Variants in PDZRN3 observed in about 807,000 individuals in gnomAD.
PDZRN3 encodes E3 ubiquitin-protein ligase PDZRN3.
In PDZRN3, 38 loss-of-function variants were observed where a neutral mutation model predicts 85.7. The ratio of observed to expected loss-of-function variants is 0.44; its 90% CI spans 0.34 to 0.58. The LOEUF (loss-of-function observed/expected upper bound fraction) is 0.58, where lower values mean the gene tolerates loss of function less well. PDZRN3 is among the 20% of genes least tolerant of loss of function. The pLI is 0.01. For missense variants in PDZRN3, 1,629 were observed against 1,506.4 expected (o/e 1.08, Z -1.35); for synonymous variants, 759 against 638.0 (o/e 1.19, Z -2.86).
chr3:73,575,865 A>G (rs1702115778), intron 3 of PDZRN3, among the ~76,000 whole-genome samples: 1 of 152,130 alleles, frequency 6.6e-6, no homozygotes, highest in African/African-American at 2.4e-5. Flanking sequence ...ATTTTTGCAT[A>G]TTACCTAAGC....
In PDZRN3 at chr3:73,624,655, G is replaced by T; in HGVS notation, c.171C>A (p.Arg57=). 1 of 1,530,236 alleles carries T rather than the reference G, an allele frequency of 6.5e-7. No individual in the cohort carries two copies. The highest frequency in any genetic ancestry group is 8.7e-7 in the Non-Finnish European group (1 of 1,143,168). The allele number at this position is 1,530,236 out of a possible 1,614,324, so 94.8% of individuals were successfully genotyped here. Residue 57 remains arginine (R), a synonymous_variant, in exon 1 of 10, where the codon CGC becomes CGA. Transcript: ENST00000263666. ...TGAGCTCTTTGGCCGACAGGCGACCGCGGCAGCGCGCCGGGCAGCTGCCCT... is the reference window on the plus strand; with the variant it reads ...TGAGCTCTTTGGCCGACAGGCGACCTCGGCAGCGCGCCGGGCAGCTGCCCT... ...VQEGSCPARC[R]GRLSAKELNH... is the part of the protein sequence containing the mutation.
chr3:73,432,176 G>A (rs917115165), intron 3 of PDZRN3, among the ~76,000 whole-genome samples: 2 of 152,138 alleles, frequency 1.3e-5, no homozygotes, highest in Admixed American at 1.3e-4. Flanking sequence ...TCCTGCCTGC[G>A]TGCTGGACTC....
At chr3:73,477,614 C>A (rs1294302905) in intron 3 of PDZRN3, among the ~76,000 whole-genome samples, 1 of 152,102 alleles carries the variant, frequency 6.6e-6, no homozygotes, top group Non-Finnish European at 1.5e-5. Flanking sequence ...ACCCATAAAT[C>A]AAGATTTTTA....
chr3:73,500,190 A>G lies in PDZRN3; in HGVS notation c.919-95795T>C, dbSNP rs192138551. 6.8e-3 allele frequency among the ~76,000 whole-genome samples: 1,039 copies of G among 152,188 alleles called. 12 individuals are homozygous for G. The highest frequency in any genetic ancestry group is 7.7e-3 in the Non-Finnish European group (524 of 68,018). Reference sequence around the variant, plus strand: ...CCGCCTCCCAAGTAGCTGGGACTACAGGCATATGCCACCACAGCTGGCTAA... The same window carrying G: ...CCGCCTCCCAAGTAGCTGGGACTACGGGCATATGCCACCACAGCTGGCTAA... On this transcript the variant is annotated intron_variant, in intron 3 of 9. Coordinates refer to ENST00000263666, the MANE Select transcript of PDZRN3 (RefSeq NM_015009.3).
intron 1 of PDZRN3, among the ~76,000 whole-genome samples, chr3:73,614,973 T>C (rs1436275569): frequency 3.9e-5 from 6 of 152,088 alleles, no homozygotes; most frequent in Non-Finnish European, 7.3e-5. Context: ...AGGACGGTGC[T>C]TGAAATTAAG....
At chr3:73,515,178 T>C (rs1704235023) in intron 3 of PDZRN3, among the ~76,000 whole-genome samples, 1 of 143,588 alleles carries the variant, frequency 7.0e-6, no homozygotes, top group South Asian at 2.4e-4. Context: ...CAGCCCTTTT[T>C]TTTTTTTTTT....
chr3:73,609,272 A>C (rs1054619901), intron 1 of PDZRN3, among the ~76,000 whole-genome samples: 1 of 152,166 alleles, frequency 6.6e-6, no homozygotes, highest in Non-Finnish European at 1.5e-5. Context: ...ATTACTGTCC[A>C]ATCCACACGA....
At chr3:73,554,176 G>A (rs943847741) in intron 3 of PDZRN3, among the ~76,000 whole-genome samples, 29 of 152,124 alleles carry the variant, frequency 1.9e-4, no homozygotes, top group African/African-American at 6.8e-4. Context: ...GAAGGGGAAC[G>A]TGTATTTTTA....
At chr3:73,591,845 C>T (rs1301290226) in intron 3 of PDZRN3, among the ~76,000 whole-genome samples, 1 of 152,202 alleles carries the variant, frequency 6.6e-6, no homozygotes, top group Non-Finnish European at 1.5e-5. Flanking sequence ...TCTGCATATA[C>T]TGGCTGCCCT....
In PDZRN3 at chr3:73,416,876, G is replaced by GTTTTTTTTTTTTTTTTTTTTTTTTTTT. The variant is rs146381615; in HGVS notation, c.919-12508_919-12482dup. ...TTTTTTTTTTGTTTGTTTTTTTTTG[G>GTTTTTTTTTTTTTTTTTTTTTTTTTTT]TTTTTTTTTTTTTTTTTTTTTTTTT... is the stretch of plus-strand genomic sequence containing the variant. On this transcript the variant is annotated intron_variant, in intron 3 of 9. Transcript: ENST00000263666. Among the ~76,000 whole-genome samples, 82 of 110,390 alleles carry GTTTTTTTTTTTTTTTTTTTTTTTTTTT rather than the reference G, an allele frequency of 7.4e-4. 8 individuals are homozygous for GTTTTTTTTTTTTTTTTTTTTTTTTTTT. The highest frequency in any genetic ancestry group is 1.1e-3 in the Non-Finnish European group (62 of 54,928). 72.4% of individuals were successfully genotyped at this position (110,390 alleles called of 152,430 possible).
At chr3:73,554,394 T>G (rs556063861) in intron 3 of PDZRN3, among the ~76,000 whole-genome samples, 24 of 150,694 alleles carry the variant, frequency 1.6e-4, no homozygotes, top group African/African-American at 5.4e-4. Flanking sequence ...ACTCCCAAGA[T>G]GAGAACAAGG....
intron 1 of PDZRN3, among the ~76,000 whole-genome samples, chr3:73,609,117 G>A (rs1217096866): frequency 1.3e-5 from 2 of 152,132 alleles, no homozygotes; most frequent in Non-Finnish European, 2.9e-5. Context: ...TCGGAAGTGT[G>A]AGTGCATGCA....
chr3:73,553,708 C>T (rs555624498), intron 3 of PDZRN3, among the ~76,000 whole-genome samples: 7 of 152,242 alleles, frequency 4.6e-5, no homozygotes, highest in Admixed American at 6.5e-5. Flanking sequence ...TTAAGAATTC[C>T]GTGGTGTGAC....
At chr3:73,386,611 A>C (rs1411941717) in intron 8 of PDZRN3, among the ~76,000 whole-genome samples, 1 of 152,192 alleles carries the variant, frequency 6.6e-6, no homozygotes, top group African/African-American at 2.4e-5. Context: ...AAATAATAAT[A>C]AAAAAAGTTG....
intron 3 of PDZRN3, among the ~76,000 whole-genome samples, chr3:73,482,255 T>C (rs13077458): frequency 0.39 from 59,364 of 152,156 alleles, 12,019 homozygotes; most frequent in Non-Finnish European, 0.45. Flanking sequence ...AACAATTATA[T>C]GCATACCACC....
chr3:73,582,662 T>A (rs990469919), intron 3 of PDZRN3, among the ~76,000 whole-genome samples: 1 of 152,100 alleles, frequency 6.6e-6, no homozygotes, highest in African/African-American at 2.4e-5. Context: ...AAATGTGGCA[T>A]AAAGGAAAGC....
At chr3:73,610,754 C>T (rs1259552465) in intron 1 of PDZRN3, among the ~76,000 whole-genome samples, 2 of 152,092 alleles carry the variant, frequency 1.3e-5, no homozygotes, top group Non-Finnish European at 2.9e-5. Context: ...AAGAATAATG[C>T]ACAATCATAT....
chr3:73,548,594 T>C (rs921159327), intron 3 of PDZRN3, among the ~76,000 whole-genome samples: 6 of 152,228 alleles, frequency 3.9e-5, no homozygotes, highest in African/African-American at 1.4e-4. Context: ...AGATTGGTAA[T>C]CTTGGCCTCT....
intron 3 of PDZRN3, among the ~76,000 whole-genome samples, chr3:73,538,748 G>A (rs1280895542): frequency 6.6e-6 from 1 of 152,040 alleles, no homozygotes; most frequent in Admixed American, 6.6e-5. Flanking sequence ...TGTTTCATCT[G>A]GTTTTCATTT....
Sources: allele counts gnomAD v4.1 joint callset (sites outside exome capture counted in the v4.1 genomes callset), GRCh38; gene constraint gnomAD v4.1.1; transcripts MANE v1.5; gene names NCBI Gene and HGNC (gene_info 2026-07-23, HGNC 2026-07-21).